UBE3C: variants seen among roughly 807,000 people sequenced by gnomAD.
UBE3C encodes the protein ubiquitin-protein ligase E3C.
UBE3C carries 42 observed loss-of-function variants against 129.4 expected under a neutral mutation model. That is an observed-to-expected ratio of 0.32 (90% CI 0.25 to 0.42). UBE3C has a LOEUF of 0.42. Among genes scored for constraint, UBE3C ranks in the 10% least tolerant of loss-of-function variants. The pLI, the probability that UBE3C is intolerant of heterozygous loss-of-function variation, is 1.00. For synonymous variants in UBE3C, 510 were observed against 492.4 expected, an observed-to-expected ratio of 1.04 and a Z score of -0.47; for missense variants, 1,049 against 1,319.1, an observed-to-expected ratio of 0.80 and a Z score of 3.17.
intron 17 of UBE3C, among the ~76,000 whole-genome samples, chr7:157,228,471 C>G (rs1174802027): frequency 6.6e-6 from 1 of 152,212 alleles, no homozygotes; most frequent in Non-Finnish European, 1.5e-5. Context: ...GCTCTGCACT[C>G]TGCTGTCATC....
chr7:157,165,937 C>T (rs1808200767), intron 2 of UBE3C, among the ~76,000 whole-genome samples: 1 of 152,066 alleles, frequency 6.6e-6, no homozygotes, highest in Non-Finnish European at 1.5e-5. Flanking sequence ...AGCTGCTTTT[C>T]TTTTGATGCT....
At chr7:157,237,166 G>C (rs1031434668) in intron 18 of UBE3C, among the ~76,000 whole-genome samples, 1 of 152,194 alleles carries the variant, frequency 6.6e-6, no homozygotes, top group Non-Finnish European at 1.5e-5. Flanking sequence ...TCTCGGCTGG[G>C]TGCAGTGGCT....
chr7:157,224,366 T>G (rs1019549743), intron 16 of UBE3C, among the ~76,000 whole-genome samples: 7 of 152,062 alleles, frequency 4.6e-5, no homozygotes, highest in Non-Finnish European at 8.8e-5. Context: ...GGCTAATTTT[T>G]TGTATTTTCA....
At chr7:157,224,968 T>G (rs1398132133) in intron 16 of UBE3C, among the ~76,000 whole-genome samples, 1 of 152,208 alleles carries the variant, frequency 6.6e-6, no homozygotes, top group Non-Finnish European at 1.5e-5. Context: ...TAAGTTTTTA[T>G]AAAGGATTTA....
chr7:157,165,523 G>A (rs933873600), intron 2 of UBE3C, among the ~76,000 whole-genome samples: 1 of 151,170 alleles, frequency 6.6e-6, no homozygotes, highest in Non-Finnish European at 1.5e-5. Context: ...TCAGCCTCCC[G>A]AGTAGCTGGG....
intron 4 of UBE3C, among the ~76,000 whole-genome samples, chr7:157,174,035 G>C (rs1331256267): frequency 6.6e-6 from 1 of 152,160 alleles, no homozygotes; most frequent in Non-Finnish European, 1.5e-5. Flanking sequence ...GCAAAGACAA[G>C]GCTATGTGGC....
intron 1 of UBE3C, among the ~76,000 whole-genome samples, chr7:157,147,971 T>A (rs1807652679): frequency 6.6e-6 from 1 of 152,242 alleles, no homozygotes; most frequent in African/African-American, 2.4e-5. Flanking sequence ...TGCATCTCTT[T>A]TGATGAGGGA....
intron 1 of UBE3C, among the ~76,000 whole-genome samples, chr7:157,143,094 C>T (rs1040334119): frequency 3.2e-4 from 49 of 151,934 alleles, no homozygotes; most frequent in African/African-American, 1.2e-3. Flanking sequence ...CTCGAACTCC[C>T]GACCTCAGGT....
chr7:157,171,927 G>A (rs1403950110), intron 4 of UBE3C, among the ~76,000 whole-genome samples: 3 of 147,906 alleles, frequency 2.0e-5, no homozygotes, highest in Non-Finnish European at 4.5e-5. Flanking sequence ...GGCTGGTCTC[G>A]AACTCCTGGC....
At chr7:157,194,458 G>A (rs1809060232) in intron 10 of UBE3C, among the ~76,000 whole-genome samples, 1 of 152,146 alleles carries the variant, frequency 6.6e-6, no homozygotes. Flanking sequence ...AGGCATAAAA[G>A]ACTTTTCTAG....
intron 21 of UBE3C, among the ~76,000 whole-genome samples, chr7:157,256,174 A>C (rs1017608284): frequency 1.3e-5 from 2 of 151,896 alleles, no homozygotes; most frequent in Non-Finnish European, 2.9e-5. Flanking sequence ...GGCGAATCTC[A>C]CCCTGTCACC....
At chr7:157,151,960 A>G (rs958553872) in intron 1 of UBE3C, among the ~76,000 whole-genome samples, 4 of 152,208 alleles carry the variant, frequency 2.6e-5, no homozygotes, top group African/African-American at 7.2e-5. Context: ...CTTCTGTTCT[A>G]GTACCATGTG....
At chr7:157,192,829 G>A in intron 10 of UBE3C, 2 of 1,136,800 alleles carry the variant, frequency 1.8e-6, no homozygotes, top group Non-Finnish European at 2.6e-6. Context: ...CAGAAGACAA[G>A]TAACTGCGTA....
chr7:157,225,961 G>A (rs747441001), intron 17 of UBE3C, among the ~76,000 whole-genome samples: 4 of 152,142 alleles, frequency 2.6e-5, no homozygotes, highest in Non-Finnish European at 5.9e-5. Flanking sequence ...AAAAAAAAGT[G>A]TAGCAAGTCA....
At chr7:157,259,820 C>T (rs1028339806) in intron 22 of UBE3C, among the ~76,000 whole-genome samples, 1 of 152,114 alleles carries the variant, frequency 6.6e-6, no homozygotes, top group Non-Finnish European at 1.5e-5. Context: ...TTGGATTGTA[C>T]ATTTAAAGGG....
At chr7:157,170,549 C>G (rs1470587766) in intron 4 of UBE3C, 99 bp downstream of exon 4, 1 of 1,271,656 alleles carries the variant, frequency 7.9e-7, no homozygotes, top group Non-Finnish European at 1.0e-6. Context: ...AAACAGCTCT[C>G]CACTGCATCC....
At chr7:157,173,562 A>T (rs982493200) in intron 4 of UBE3C, among the ~76,000 whole-genome samples, 3 of 152,048 alleles carry the variant, frequency 2.0e-5, no homozygotes, top group African/African-American at 4.8e-5. Flanking sequence ...TTTTTAAAAA[A>T]TTTTTCTTAC....
At chr7:157,181,278 C>T (rs1396677238) in intron 6 of UBE3C, among the ~76,000 whole-genome samples, 1 of 152,166 alleles carries the variant, frequency 6.6e-6, no homozygotes, top group Non-Finnish European at 1.5e-5. Flanking sequence ...TCTTAGACTT[C>T]CTTCCAAATG....
In UBE3C at chr7:157,269,093, TAATA is replaced by T. The variant is rs910488526; in HGVS notation, c.*1342_*1345del. On this transcript the variant is annotated 3_prime_UTR_variant, in exon 23 of 23. Coordinates refer to ENST00000348165, the MANE Select transcript of UBE3C (RefSeq NM_014671.3). ...AAAATGTATAATTTCTTAATTTGAA[TAATA>T]AATTAAGCGTTTAAATGCTATTTGT... is the stretch of plus-strand genomic sequence containing the variant. The T allele has an allele frequency of 1.3e-5, 2 of 152,742 alleles. No homozygotes were observed. The highest frequency in any genetic ancestry group is 6.5e-5 in the Admixed American group (1 of 15,302). The allele number at this position is 152,742 out of a possible 1,614,324, so 9.5% of individuals were successfully genotyped here. A position where few individuals can be genotyped will look rare whatever the true frequency, so the allele number is the denominator to read the frequency against.
Sources: gnomAD v4.1 joint callset for allele counts (sites outside exome capture counted in the v4.1 genomes callset) on GRCh38, gnomAD v4.1.1 for gene constraint, MANE v1.5 for transcripts, NCBI Gene and HGNC (gene_info 2026-07-23, HGNC 2026-07-21) for gene names.